Variants in GRIN3A observed in about 807,000 individuals in gnomAD.
The protein encoded by GRIN3A is glutamate receptor ionotropic, NMDA 3A.
In GRIN3A, 47 loss-of-function variants were observed where a neutral mutation model predicts 92.4. The ratio of observed to expected loss-of-function variants is 0.51; its 90% CI spans 0.40 to 0.65. GRIN3A has a LOEUF of 0.65. GRIN3A is among the 30% of genes least tolerant of loss of function. The probability of loss-of-function intolerance (pLI) is 0.00; values close to 1 mark genes in which losing one functional copy is unlikely to be tolerated. For synonymous variants in GRIN3A, 527 were observed against 540.6 expected (o/e 0.97, Z 0.35); for missense variants, 1,324 against 1,393.1 (o/e 0.95, Z 0.79).
At chr9:101,735,301 A>C (rs1205493573) in intron 1 of GRIN3A, among the ~76,000 whole-genome samples, 1 of 151,930 alleles carries the variant, frequency 6.6e-6, no homozygotes, top group Admixed American at 6.6e-5. Flanking sequence ...CAGTGACAAC[A>C]GTGATTTAAA....
At chr9:101,605,710 C>G (rs766561519) in intron 6 of GRIN3A, among the ~76,000 whole-genome samples, 8 of 152,196 alleles carry the variant, frequency 5.3e-5, no homozygotes, top group Non-Finnish European at 1.0e-4. Flanking sequence ...CTGCTGCGCA[C>G]TTCCCCTGAT....
intron 8 of GRIN3A, among the ~76,000 whole-genome samples, chr9:101,573,773 ATTTTTTTT>A (rs5899448): frequency 5.4e-4 from 50 of 92,616 alleles, no homozygotes; most frequent in South Asian, 2.0e-3. Flanking sequence ...GGTATGGTGC[ATTTTTTTT>A]TTTTTTTTTT....
intron 6 of GRIN3A, among the ~76,000 whole-genome samples, chr9:101,582,029 G>T (rs1827893583): frequency 1.3e-5 from 2 of 152,190 alleles, no homozygotes; most frequent in South Asian, 2.1e-4. Flanking sequence ...GCTCGTGAAG[G>T]TTAGAGCTGG....
chr9:101,646,590 T>C (rs1398197187), intron 3 of GRIN3A, among the ~76,000 whole-genome samples: 3 of 148,296 alleles, frequency 2.0e-5, no homozygotes, highest in African/African-American at 7.5e-5. Context: ...TTGTATTGAA[T>C]TTGTAGATCA....
chr9:101,705,608 C>G (rs1829807197), intron 1 of GRIN3A, among the ~76,000 whole-genome samples: 1 of 152,168 alleles, frequency 6.6e-6, no homozygotes, highest in African/African-American at 2.4e-5. Flanking sequence ...ACCTGTTCAT[C>G]TGCGTGCTCC....
At chr9:101,718,626 G>T (rs1042883734) in intron 1 of GRIN3A, among the ~76,000 whole-genome samples, 1 of 152,166 alleles carries the variant, frequency 6.6e-6, no homozygotes, top group Non-Finnish European at 1.5e-5. Context: ...ATGATTTTAG[G>T]TTGTTCAGAA....
At chr9:101,696,422 A>C (rs1829685036) in intron 1 of GRIN3A, among the ~76,000 whole-genome samples, 1 of 152,208 alleles carries the variant, frequency 6.6e-6, no homozygotes, top group South Asian at 2.1e-4. Flanking sequence ...TCTGATGCCA[A>C]CTTCTTAATC....
Position 101,670,236 on chromosome 9 carries a change from G to C in GRIN3A, c.2176C>G (p.Leu726Val). Reference protein sequence around the residue: ...FSSALNICYALLFGRTVAIKP... With the variant: ...FSSALNICYAVLFGRTVAIKP... ...ATGGCCACTGTTCTGCCAAACAAGA[G>C]GGCATAACAGATGTTCAAGGCTGAA... Residue 726 changes from leucine to valine, a missense_variant, in exon 3 of 9, where the codon CTC becomes GTC. By Grantham distance (32) the Leu-to-Val change is conservative. Transcript: ENST00000361820. 6.2e-7 allele frequency: 1 copy of C among 1,614,004 alleles called. No individual in the cohort carries two copies. The highest frequency in any genetic ancestry group is 1.1e-5 in the South Asian group (1 of 91,082).
chr9:101,643,973 T>A (rs1828899782), intron 3 of GRIN3A, among the ~76,000 whole-genome samples: 1 of 151,758 alleles, frequency 6.6e-6, no homozygotes, highest in African/African-American at 2.4e-5. Flanking sequence ...GTGACTGTAG[T>A]TAATAATAGT....
In GRIN3A at chr9:101,670,451, C is replaced by T. The variant is rs1829302074; in HGVS notation, c.1961G>A (p.Gly654Asp). Residue 654 changes from glycine (G) to aspartate (D), a missense_variant, in exon 3 of 9, where the codon GGC (glycine) becomes GAC (aspartate). Physicochemically the swap from Gly to Asp is moderately conservative, Grantham distance 94 (BLOSUM62 -1). Coordinates refer to ENST00000361820, the MANE Select transcript of GRIN3A (RefSeq NM_133445.3). ...FTSPFFSTSL[G>D]ILVRTRDTAA... The stretch of plus-strand genomic sequence containing the variant: ...TGTATCTCGGGTCCTCACTAAGATG[C>T]CCAAGCTGGTGGAGAAGAAAGGGCT... 2.5e-6 allele frequency: 4 copies of T among 1,613,954 alleles called. No homozygotes were observed. Among genetic ancestry groups the T allele is most frequent in the Non-Finnish European group, 3.4e-6 (4 of 1,179,946 alleles).
intron 3 of GRIN3A, 102 bp downstream of exon 3, chr9:101,669,958 T>G: frequency 1.1e-6 from 1 of 896,544 alleles, no homozygotes; most frequent in Non-Finnish European, 1.8e-6. Context: ...TGAGAGAATA[T>G]TCCTGTGTTA....
chr9:101,614,104 C>T (rs1828406549), intron 5 of GRIN3A, among the ~76,000 whole-genome samples: 1 of 151,288 alleles, frequency 6.6e-6, no homozygotes, highest in Non-Finnish European at 1.5e-5. Context: ...AGAAGTAATA[C>T]TAAGTGTTAA....
chr9:101,606,210 A>G (rs1297818558), intron 6 of GRIN3A, among the ~76,000 whole-genome samples: 1 of 152,144 alleles, frequency 6.6e-6, no homozygotes, highest in African/African-American at 2.4e-5. Context: ...TCCCACATTC[A>G]TCTGCCATGA....
chr9:101,594,477 A>T (rs1364309672), intron 6 of GRIN3A: 1 of 1,614,022 alleles, frequency 6.2e-7, no homozygotes, highest in African/African-American at 1.3e-5. Flanking sequence ...TCCTCAAAGG[A>T]TATCTTCCCA....
chr9:101,617,221 A>AG (rs1828472565), intron 5 of GRIN3A, among the ~76,000 whole-genome samples: 2 of 148,666 alleles, frequency 1.3e-5, no homozygotes, highest in Admixed American at 1.3e-4. Context: ...AAAAAAAAAA[A>AG]AAAAAGAAAA....
intron 6 of GRIN3A, among the ~76,000 whole-genome samples, chr9:101,590,381 TTTATTTA>T (rs1828008116): frequency 2.1e-5 from 3 of 139,728 alleles, no homozygotes; most frequent in Non-Finnish European, 4.7e-5. Context: ...TATTTATTTA[TTTATTTA>T]TTTATTTTTT....
intron 6 of GRIN3A, chr9:101,592,478 A>G (rs1828043563): frequency 6.6e-6 from 1 of 152,180 alleles, no homozygotes; most frequent in Non-Finnish European, 1.5e-5. Context: ...CAGAGAGGCT[A>G]AGTAAATTAT....
chr9:101,685,035 C>T (rs999712177), intron 2 of GRIN3A, among the ~76,000 whole-genome samples: 1 of 151,994 alleles, frequency 6.6e-6, no homozygotes, highest in Admixed American at 6.5e-5. Context: ...GGATTTTAAT[C>T]TTATGGAAAT....
intron 1 of GRIN3A, among the ~76,000 whole-genome samples, chr9:101,727,207 ACTAT>A (rs1830090886): frequency 6.6e-6 from 1 of 152,204 alleles, no homozygotes; most frequent in African/African-American, 2.4e-5. Context: ...TCAAAGGCAA[ACTAT>A]CTAGCCATTA....
Sources: allele counts gnomAD v4.1 joint callset (sites outside exome capture counted in the v4.1 genomes callset), GRCh38; gene constraint gnomAD v4.1.1; transcripts MANE v1.5; gene names NCBI Gene and HGNC (gene_info 2026-07-23, HGNC 2026-07-21).